SYCP1: variants seen among roughly 807,000 people sequenced by gnomAD.
SYCP1 encodes the protein cancer/testis antigen 8.
A neutral mutation model predicts 153.1 loss-of-function variants in SYCP1; 64 were observed. The observed-to-expected ratio is 0.42, with a 90% CI of 0.34 to 0.51. SYCP1 has a LOEUF of 0.51. Among genes scored for constraint, SYCP1 ranks in the 20% least tolerant of loss-of-function variants. SYCP1 has a pLI of 0.06. For missense variants in SYCP1, 997 were observed against 1,049.0 expected, an observed-to-expected ratio of 0.95 and a Z score of 0.68; for synonymous variants, 384 against 341.8, an observed-to-expected ratio of 1.12 and a Z score of -1.36.
chr1:114,885,053 G>A (rs1146154), intron 12 of SYCP1, among the ~76,000 whole-genome samples: 3,493 of 151,920 alleles, frequency 0.023, 56 homozygotes, highest in South Asian at 0.035. Flanking sequence ...AAATAAAATC[G>A]TGAATAATTT....
chr1:114,878,595 G>T (rs1407839605), intron 12 of SYCP1, among the ~76,000 whole-genome samples: 1 of 152,130 alleles, frequency 6.6e-6, no homozygotes, highest in Non-Finnish European at 1.5e-5. Flanking sequence ...CCAGGCTGGA[G>T]TGCAGTGGCA....
intron 15 of SYCP1, among the ~76,000 whole-genome samples, chr1:114,888,161 A>G (rs1356779140): frequency 6.6e-6 from 1 of 152,088 alleles, no homozygotes; most frequent in African/African-American, 2.4e-5. Flanking sequence ...CGAGAGAGAC[A>G]TTCTCTACAG....
intron 16 of SYCP1, among the ~76,000 whole-genome samples, chr1:114,904,928 T>C (rs1170670682): frequency 6.6e-6 from 1 of 152,244 alleles, no homozygotes; most frequent in African/African-American, 2.4e-5. Flanking sequence ...GCTTTTTCTG[T>C]GTCAATTTAT....
chr1:114,921,660 A>C (rs974300251), intron 20 of SYCP1, among the ~76,000 whole-genome samples: 2 of 151,732 alleles, frequency 1.3e-5, no homozygotes, highest in Admixed American at 6.6e-5. Context: ...AAAAAAAAAA[A>C]CAAAAACAGA....
chr1:114,919,742 C>G (rs939049615), intron 20 of SYCP1, among the ~76,000 whole-genome samples: 4 of 151,856 alleles, frequency 2.6e-5, no homozygotes, highest in Non-Finnish European at 5.9e-5. Context: ...TTGTATGTGT[C>G]TAGGTATTTA....
chr1:114,990,706 T>A (rs1441934167), intron 30 of SYCP1, among the ~76,000 whole-genome samples: 1 of 151,870 alleles, frequency 6.6e-6, no homozygotes, highest in Non-Finnish European at 1.5e-5. Flanking sequence ...TAACCCAGAA[T>A]AAATGGAAAT....
At chr1:114,908,598 C>G (rs577500490) in intron 16 of SYCP1, among the ~76,000 whole-genome samples, 1 of 152,222 alleles carries the variant, frequency 6.6e-6, no homozygotes, top group South Asian at 2.1e-4. Flanking sequence ...TTCTGATAGT[C>G]AGATTCACTG....
intron 8 of SYCP1, among the ~76,000 whole-genome samples, chr1:114,864,254 A>G (rs1019560867): frequency 6.6e-6 from 1 of 152,084 alleles, no homozygotes; most frequent in Non-Finnish European, 1.5e-5. Context: ...GTGATTGGGA[A>G]GTTTTTTCTG....
intron 12 of SYCP1, among the ~76,000 whole-genome samples, chr1:114,884,405 A>C (rs1185205766): frequency 6.6e-6 from 1 of 152,004 alleles, no homozygotes; most frequent in African/African-American, 2.4e-5. Context: ...AAATGTTTCA[A>C]CTCAGCTGCT....
intron 16 of SYCP1, among the ~76,000 whole-genome samples, chr1:114,909,271 T>C (rs1668020299): frequency 6.6e-6 from 1 of 152,102 alleles, no homozygotes; most frequent in Non-Finnish European, 1.5e-5. Flanking sequence ...GCAAGAGAGA[T>C]GGTGGGGTTT....
At chr1:114,967,812 G>T (rs1384166981) in intron 27 of SYCP1, among the ~76,000 whole-genome samples, 1 of 152,152 alleles carries the variant, frequency 6.6e-6, no homozygotes, top group Non-Finnish European at 1.5e-5. Flanking sequence ...TTTTGCAGTG[G>T]CTGGTACCAG....
chr1:114,897,827 C>G (rs573975089), intron 16 of SYCP1, among the ~76,000 whole-genome samples: 3 of 152,162 alleles, frequency 2.0e-5, no homozygotes, highest in Non-Finnish European at 2.9e-5. Context: ...ATTCCTCTTT[C>G]TTTCCTCTGT....
chr1:114,924,285 A>T (rs1222612813), intron 21 of SYCP1, among the ~76,000 whole-genome samples: 1 of 152,162 alleles, frequency 6.6e-6, no homozygotes, highest in African/African-American at 2.4e-5. Flanking sequence ...AGTTCAGTTC[A>T]CACTTATTCC....
chr1:114,906,027 A>T (rs1180504582), intron 16 of SYCP1, among the ~76,000 whole-genome samples: 1 of 151,570 alleles, frequency 6.6e-6, no homozygotes, highest in Non-Finnish European at 1.5e-5. Flanking sequence ...GTGCAATGGC[A>T]TGATCTAGGC....
Position 114,910,482 on chromosome 1 carries a change from G to T in SYCP1, c.1406G>T (p.Gly469Val), listed in dbSNP as rs1015769625. Reference sequence around the variant, plus strand: ...AAAGGAACAGAACAAGAACTAATTGGTCTTCTCCAAGCCAGAGAGGTTTGT... The same window carrying T: ...AAAGGAACAGAACAAGAACTAATTGTTCTTCTCCAAGCCAGAGAGGTTTGT... ...ELKGTEQELI[G>V]LLQAREKEVH... is the part of the protein sequence containing the mutation. Residue 469 changes from glycine to valine, a missense_variant, in exon 17 of 32, where the codon GGT (glycine) becomes GTT (valine). Transcript: ENST00000369522. The T allele has an allele frequency of 3.2e-6, 5 of 1,585,218 alleles. No homozygotes were observed. In the African/African-American group the frequency reaches 5.5e-5, roughly 17 times the overall value.
chr1:114,929,253 A>T (rs1311028668), intron 23 of SYCP1, among the ~76,000 whole-genome samples: 6 of 152,194 alleles, frequency 3.9e-5, no homozygotes, highest in African/African-American at 1.4e-4. Flanking sequence ...GAAGTGGAAT[A>T]TGAAAAAACT....
intron 30 of SYCP1, among the ~76,000 whole-genome samples, chr1:114,987,884 T>C (rs555879239): frequency 6.6e-6 from 1 of 150,882 alleles, no homozygotes; most frequent in South Asian, 2.1e-4. Flanking sequence ...AAACCCTAAT[T>C]TTGTGTGAAT....
chr1:114,957,252 G>T (rs1374506760), intron 27 of SYCP1, among the ~76,000 whole-genome samples: 5 of 152,090 alleles, frequency 3.3e-5, no homozygotes, highest in Non-Finnish European at 4.4e-5. Flanking sequence ...TTTTGCAGGG[G>T]TCTTGCTATG....
intron 12 of SYCP1, among the ~76,000 whole-genome samples, chr1:114,880,019 G>A (rs995454554): frequency 5.9e-5 from 9 of 151,792 alleles, no homozygotes; most frequent in East Asian, 1.9e-4. Flanking sequence ...ATATATATTC[G>A]TCATTGATAT....
Sources: allele counts gnomAD v4.1 joint callset (sites outside exome capture counted in the v4.1 genomes callset), GRCh38; gene constraint gnomAD v4.1.1; transcripts MANE v1.5; gene names NCBI Gene and HGNC (gene_info 2026-07-23, HGNC 2026-07-21).